The following PDE3A variants were observed in gnomAD, a reference collection of about 807,000 sequenced individuals.
PDE3A encodes the protein cGMP-inhibited 3',5'-cyclic phosphodiesterase 3A.
Under a neutral mutation model 98.3 loss-of-function variants are expected in PDE3A, and 43 were observed. The ratio of observed to expected loss-of-function variants is 0.44; its 90% CI spans 0.34 to 0.56. PDE3A has a LOEUF of 0.56. Among genes scored for constraint, PDE3A ranks in the 20% least tolerant of loss-of-function variants. PDE3A has a pLI of 0.01. For missense variants in PDE3A, 1,427 were observed against 1,440.7 expected, an observed-to-expected ratio of 0.99 and a Z score of 0.15; for synonymous variants, 663 against 567.9, an observed-to-expected ratio of 1.17 and a Z score of -2.38.
At chr12:20,553,442 C>T (rs1417609597) in intron 1 of PDE3A, among the ~76,000 whole-genome samples, 1 of 124,112 alleles carries the variant, frequency 8.1e-6, no homozygotes, top group Non-Finnish European at 1.7e-5. Context: ...CAAGCATCTT[C>T]CTGACAGCAT....
chr12:20,503,706 T>C (rs1041756531), intron 1 of PDE3A, among the ~76,000 whole-genome samples: 3 of 152,122 alleles, frequency 2.0e-5, no homozygotes, highest in Non-Finnish European at 4.4e-5. Flanking sequence ...CTTATTTCAA[T>C]ACATTTCTGT....
intron 1 of PDE3A, among the ~76,000 whole-genome samples, chr12:20,539,811 T>C (rs1281571376): frequency 4.6e-5 from 7 of 152,144 alleles, no homozygotes; most frequent in Admixed American, 4.6e-4. Context: ...AAATCAAATT[T>C]AATTCTAAAA....
At chr12:20,464,114 C>G (rs572799062) in intron 1 of PDE3A, among the ~76,000 whole-genome samples, 7 of 152,240 alleles carry the variant, frequency 4.6e-5, no homozygotes, top group Non-Finnish European at 7.4e-5. Flanking sequence ...TTATTCTGCA[C>G]TTGCCACTAG....
intron 1 of PDE3A, among the ~76,000 whole-genome samples, chr12:20,514,437 G>C (rs1020471719): frequency 6.6e-6 from 1 of 152,178 alleles, no homozygotes; most frequent in Admixed American, 6.5e-5. Context: ...TGTGTTTGAA[G>C]TAAAGCATGA....
chr12:20,458,033 A>C (rs774064862), intron 1 of PDE3A, among the ~76,000 whole-genome samples: 1 of 151,884 alleles, frequency 6.6e-6, no homozygotes, highest in Admixed American at 6.6e-5. Context: ...ATATTTCTAG[A>C]TTTTTTCTTC....
intron 1 of PDE3A, among the ~76,000 whole-genome samples, chr12:20,409,889 T>G (rs1252980682): frequency 6.6e-6 from 1 of 152,182 alleles, no homozygotes; most frequent in African/African-American, 2.4e-5. Flanking sequence ...TAAAGGAAAA[T>G]TTAAATTCCA....
chr12:20,476,373 G>A (rs935471295), intron 1 of PDE3A, among the ~76,000 whole-genome samples: 19 of 152,084 alleles, frequency 1.2e-4, no homozygotes, highest in Non-Finnish European at 5.9e-5. Context: ...TTTGAGTTTT[G>A]CGGGATATAT....
chr12:20,667,834 G>A (rs953454925), intron 15 of PDE3A, among the ~76,000 whole-genome samples: 5 of 152,094 alleles, frequency 3.3e-5, no homozygotes, highest in Non-Finnish European at 7.4e-5. Flanking sequence ...AATAAAGATT[G>A]CGGGGGAGGA....
chr12:20,632,676 T>G (rs1327107427), intron 6 of PDE3A, among the ~76,000 whole-genome samples: 1 of 152,094 alleles, frequency 6.6e-6, no homozygotes, highest in African/African-American at 2.4e-5. Context: ...CTCTTACCTT[T>G]GTTTTTCTTG....
chr12:20,629,336 T>C (rs559573581), intron 5 of PDE3A, among the ~76,000 whole-genome samples: 1 of 152,284 alleles, frequency 6.6e-6, no homozygotes. Context: ...TCTTCAAAAA[T>C]TATTTTGATC....
rs1266739155 is a variant in PDE3A at position 20,681,384 on chromosome 12, T to A, written c.*1113T>A. ...CAGAGAAGGCTTGGGAAATTGTACT[T>A]CAGCGTGATAGCCTGTGTCTTCTTA... On this transcript the variant is annotated 3_prime_UTR_variant, in exon 16 of 16. Transcript: ENST00000359062. The A allele has an allele frequency of 6.6e-6, 1 of 152,192 alleles. No homozygotes were observed. Among genetic ancestry groups the A allele is most frequent in the Non-Finnish European group, 1.5e-5 (1 of 68,036 alleles). The allele number at this position is 152,192 out of a possible 1,614,324, so 9.4% of individuals were successfully genotyped here. A position where few individuals can be genotyped will look rare whatever the true frequency, so the allele number is the denominator to read the frequency against.
intron 1 of PDE3A, among the ~76,000 whole-genome samples, chr12:20,377,601 T>C (rs1943595148): frequency 6.6e-6 from 1 of 151,834 alleles, no homozygotes; most frequent in South Asian, 2.1e-4. Context: ...AAAGTCTTTG[T>C]AGATTTAATA....
At chr12:20,496,241 G>T (rs548964449) in intron 1 of PDE3A, among the ~76,000 whole-genome samples, 43 of 152,290 alleles carry the variant, frequency 2.8e-4, no homozygotes, top group Non-Finnish European at 5.7e-4. Context: ...TTGATGTGTG[G>T]ATGCATAAAT....
At position 20,646,802 on chromosome 12, in the gene PDE3A, C is replaced by T. The variant is rs771655057; in HGVS notation, c.2417C>T (p.Thr806Met). 5 of 1,611,016 alleles carry T rather than the reference C, an allele frequency of 3.1e-6. No individual in the cohort carries two copies. Among genetic ancestry groups the T allele is most frequent in the South Asian group, 1.1e-5 (1 of 91,004 alleles). ...CATATGGGATATGTATTCTCAAAAA[C>T]GTATAATGTGACAGATGATAAATAC... ...HGHMGYVFSK[T>M]YNVTDDKYGC... Residue 806 changes from threonine to methionine, a missense_variant, in exon 12 of 16, where the codon ACG becomes ATG. This residue lies in a region of PDE3A where 273 missense variants were observed against 420.3 expected (regional missense o/e 0.65). Coordinates refer to ENST00000359062, the MANE Select transcript of PDE3A (RefSeq NM_000921.5).
chr12:20,611,727 G>C (rs1943859601), intron 2 of PDE3A, among the ~76,000 whole-genome samples: 1 of 151,536 alleles, frequency 6.6e-6, no homozygotes, highest in African/African-American at 2.4e-5. Flanking sequence ...ATATCTTTAT[G>C]GATGTTAGGT....
intron 2 of PDE3A, among the ~76,000 whole-genome samples, chr12:20,591,465 C>T (rs1048326484): frequency 1.3e-5 from 2 of 152,220 alleles, no homozygotes; most frequent in African/African-American, 4.8e-5. Flanking sequence ...CATCTCAATG[C>T]TCATGGCTTG....
intron 1 of PDE3A, among the ~76,000 whole-genome samples, chr12:20,471,724 T>C (rs1945443147): frequency 6.6e-6 from 1 of 152,182 alleles, no homozygotes; most frequent in South Asian, 2.1e-4. Context: ...TGTTATTTAT[T>C]TAAAACTCCA....
intron 10 of PDE3A, among the ~76,000 whole-genome samples, chr12:20,642,645 T>C (rs1387408797): frequency 6.6e-6 from 1 of 152,196 alleles, no homozygotes. Flanking sequence ...GTGGGGAGAA[T>C]GCCTCAGAAG....
chr12:20,644,027 C>T (rs1417389970), intron 10 of PDE3A, among the ~76,000 whole-genome samples: 2 of 152,066 alleles, frequency 1.3e-5, no homozygotes, highest in South Asian at 2.1e-4. Context: ...TACTGCTATG[C>T]TCATGCACAG....
Sources: gnomAD v4.1 joint callset for allele counts (sites outside exome capture counted in the v4.1 genomes callset) on GRCh38, gnomAD v4.1.1 for gene constraint, gnomAD v4.1.1 regional missense constraint, MANE v1.5 for transcripts, NCBI Gene and HGNC (gene_info 2026-07-23, HGNC 2026-07-21) for gene names.